ADGRV1: variants seen among roughly 807,000 people sequenced by gnomAD.
ADGRV1 encodes the protein adhesion G protein-coupled receptor V1, also known as G-protein coupled receptor 98.
Under a neutral mutation model 596.2 loss-of-function variants are expected in ADGRV1, and 359 were observed. That is an observed-to-expected ratio of 0.60 (90% CI 0.55 to 0.66). The LOEUF (loss-of-function observed/expected upper bound fraction) is 0.66. Among genes scored for constraint, ADGRV1 ranks in the 30% least tolerant of loss-of-function variants. ADGRV1 has a pLI of 0.00. For missense variants in ADGRV1, 7,274 were observed against 7,575.6 expected (o/e 0.96, Z 1.48); for synonymous variants, 2,681 against 2,679.2 (o/e 1.00, Z -0.02).
chr5:90,633,895 G>T (rs1331980721), intron 9 of ADGRV1, among the ~76,000 whole-genome samples: 1 of 151,926 alleles, frequency 6.6e-6, no homozygotes, highest in Non-Finnish European at 1.5e-5. Context: ...ATTTAAAAAA[G>T]ACATTTACTT....
intron 75 of ADGRV1, among the ~76,000 whole-genome samples, chr5:90,817,296 G>C (rs1201442983): frequency 6.6e-6 from 1 of 151,328 alleles, no homozygotes. Context: ...TGAGTTCATT[G>C]TAGATTCTGG....
At chr5:90,594,250 A>G (rs1187791200) in intron 1 of ADGRV1, among the ~76,000 whole-genome samples, 1 of 152,024 alleles carries the variant, frequency 6.6e-6, no homozygotes, top group African/African-American at 2.4e-5. Flanking sequence ...GTGAGAGGTA[A>G]TTGAATCATG....
At chr5:90,651,780 T>C (rs1464431878) in intron 18 of ADGRV1, 50 bp downstream of exon 18, 1 of 1,186,422 alleles carries the variant, frequency 8.4e-7, no homozygotes, top group Non-Finnish European at 1.2e-6. Context: ...AATAAAACCA[T>C]TAAGTATGTG....
chr5:90,931,497 T>A (rs544069115), intron 83 of ADGRV1, among the ~76,000 whole-genome samples: 12 of 152,292 alleles, frequency 7.9e-5, no homozygotes, highest in African/African-American at 2.9e-4. Flanking sequence ...GATGCCCAAA[T>A]TGACAAATTT....
intron 21 of ADGRV1, among the ~76,000 whole-genome samples, chr5:90,664,630 G>T (rs1036183685): frequency 7.2e-6 from 1 of 138,070 alleles, no homozygotes; most frequent in African/African-American, 2.9e-5. Context: ...AATTGCCCTG[G>T]CCAGAACTTC....
intron 72 of ADGRV1, among the ~76,000 whole-genome samples, 174 bp from the exon 73 acceptor site, chr5:90,807,428 G>C (rs1762007822): frequency 6.6e-6 from 1 of 152,154 alleles, no homozygotes; most frequent in Non-Finnish European, 1.5e-5. Context: ...AGCAAGATTT[G>C]TGTGGTCTCC....
At chr5:90,745,005 T>G in intron 50 of ADGRV1, 41 bp from the exon 51 acceptor site, 1 of 1,448,858 alleles carries the variant, frequency 6.9e-7, no homozygotes, top group Non-Finnish European at 9.7e-7. Context: ...GAGGTGACAG[T>G]TTATATCTCA....
intron 87 of ADGRV1, among the ~76,000 whole-genome samples, chr5:91,116,721 T>A (rs955221373): frequency 6.6e-6 from 1 of 152,160 alleles, no homozygotes; most frequent in Non-Finnish European, 1.5e-5. Flanking sequence ...GTTATATTTG[T>A]CCTTTGTTCC....
Position 90,896,980 on chromosome 5 carries a change from AC to A in ADGRV1, c.17856+33125del, listed in dbSNP as rs1771389179. On this transcript the variant is annotated intron_variant, in intron 83 of 89. Coordinates refer to ENST00000405460, the MANE Select transcript of ADGRV1 (RefSeq NM_032119.4). Reference sequence around the variant, plus strand: ...GACCATGAAGTCCCACAAAGCAATGACCTGTATGGACAGGTTAGGAAATTTG... The same window carrying A: ...GACCATGAAGTCCCACAAAGCAATGACTGTATGGACAGGTTAGGAAATTTG... Among the ~76,000 whole-genome samples the A allele has an allele frequency of 2.6e-5, 4 of 152,178 alleles. No homozygotes were observed. In the South Asian group the frequency reaches 6.2e-4, roughly 24 times the overall value.
At position 91,072,458 on chromosome 5, in the gene ADGRV1, C is replaced by T; in HGVS notation, c.18164C>T (p.Pro6055Leu). ...GLIHGDLCFIPNVYAALFTAA... is the reference protein window; with the variant it reads ...GLIHGDLCFILNVYAALFTAA... ...CATTTCTCTTCCAGGTGTTTTATTC[C>T]AAACGTCTATGCTGCTTTGTTCACT... The change falls in exon 86 of 90, where the codon CCA (proline) becomes CTA (leucine). Residue 6055 changes from proline to leucine, a missense_variant. Coordinates refer to ENST00000405460, the MANE Select transcript of ADGRV1 (RefSeq NM_032119.4). 1 of 1,613,638 alleles carries T rather than the reference C, an allele frequency of 6.2e-7. No homozygotes were observed. Among genetic ancestry groups the T allele is most frequent in the Non-Finnish European group, 8.5e-7 (1 of 1,179,632 alleles).
At chr5:90,691,151 C>T in intron 31 of ADGRV1, 110 bp downstream of exon 31, 2 of 1,344,942 alleles carry the variant, frequency 1.5e-6, no homozygotes, top group Non-Finnish European at 2.1e-6. Flanking sequence ...TAAATTATTC[C>T]TGCAAGAATG....
intron 85 of ADGRV1, among the ~76,000 whole-genome samples, chr5:91,023,872 A>G (rs770287859): frequency 7.9e-5 from 12 of 152,168 alleles, no homozygotes; most frequent in Non-Finnish European, 1.5e-4. Flanking sequence ...AATAACTAAT[A>G]TATAGTAACT....
At chr5:90,973,321 A>C (rs556270640) in intron 84 of ADGRV1, among the ~76,000 whole-genome samples, 1 of 152,360 alleles carries the variant, frequency 6.6e-6, no homozygotes, top group South Asian at 2.1e-4. Flanking sequence ...CAATCAACAG[A>C]AAAAGAGGGA....
chr5:90,893,220 T>C (rs1256727842), intron 83 of ADGRV1, among the ~76,000 whole-genome samples: 1 of 152,166 alleles, frequency 6.6e-6, no homozygotes, highest in East Asian at 1.9e-4. Flanking sequence ...CTCCAGTTCC[T>C]TGCTTTAGGA....
chr5:90,753,929 C>A, intron 54 of ADGRV1, 100 bp downstream of exon 54: 1 of 1,237,678 alleles, frequency 8.1e-7, no homozygotes, highest in Non-Finnish European at 1.1e-6. Context: ...TTTTATATGA[C>A]TTTTTCAGTT....
At chr5:91,007,022 CT>C (rs989154673) in intron 85 of ADGRV1, among the ~76,000 whole-genome samples, 2 of 152,208 alleles carry the variant, frequency 1.3e-5, no homozygotes, top group Admixed American at 6.5e-5. Flanking sequence ...TGAACTTCCC[CT>C]TAACCACATC....
chr5:90,963,119 A>G (rs1005380414), intron 83 of ADGRV1, among the ~76,000 whole-genome samples: 2 of 152,208 alleles, frequency 1.3e-5, no homozygotes, highest in African/African-American at 4.8e-5. Context: ...TCCATATAAT[A>G]GAATCTGAAT....
intron 85 of ADGRV1, among the ~76,000 whole-genome samples, chr5:90,989,958 A>G (rs554541673): frequency 3.4e-4 from 52 of 152,124 alleles, no homozygotes; most frequent in Non-Finnish European, 6.9e-4. Context: ...CTGGGATTAC[A>G]GGCATATGCC....
intron 88 of ADGRV1, among the ~76,000 whole-genome samples, chr5:91,152,174 G>A (rs1796117799): frequency 6.6e-6 from 1 of 152,158 alleles, no homozygotes; most frequent in African/African-American, 2.4e-5. Flanking sequence ...TCAGTGAAGT[G>A]CCGTCAGAGA....
Sources: gnomAD v4.1 joint callset for allele counts (sites outside exome capture counted in the v4.1 genomes callset) on GRCh38, gnomAD v4.1.1 for gene constraint, MANE v1.5 for transcripts, NCBI Gene and HGNC (gene_info 2026-07-23, HGNC 2026-07-21) for gene names.